The following PSME4 variants were observed in gnomAD, a reference collection of about 807,000 sequenced individuals.
PSME4 encodes the protein proteasome activator subunit 4.
Under a neutral mutation model 253.9 loss-of-function variants are expected in PSME4, and 89 were observed. That is an observed-to-expected ratio of 0.35 (90% CI 0.30 to 0.42). PSME4 has a LOEUF of 0.42. Among genes scored for constraint, PSME4 ranks in the 10% least tolerant of loss-of-function variants. The pLI is 1.00. For missense variants in PSME4, 2,014 were observed against 2,195.2 expected, an observed-to-expected ratio of 0.92 and a Z score of 1.65; for synonymous variants, 851 against 759.2, an observed-to-expected ratio of 1.12 and a Z score of -1.99.
Position 53,885,599 on chromosome 2 carries a change from C to T in PSME4, c.4815+91G>A, listed in dbSNP as rs115797956. 7.6e-4 allele frequency: 638 copies of T among 840,664 alleles called. 3 individuals carry two copies. In the African/African-American group the frequency reaches 9.7e-3, roughly 13 times the overall value. The allele number at this position is 840,664 out of a possible 1,614,324, so 52.1% of individuals were successfully genotyped here. ...TTCAGAGATCCAATCAAAATTCACA[C>T]TGTCTGAAGAACTTCAACCATCAGA... On this transcript the variant is annotated intron_variant, in intron 41 of 46. Coordinates refer to ENST00000404125, the MANE Select transcript of PSME4 (RefSeq NM_014614.3).
chr2:53,967,166 A>C (rs1331010646), intron 1 of PSME4, among the ~76,000 whole-genome samples: 1 of 152,118 alleles, frequency 6.6e-6, no homozygotes, highest in Non-Finnish European at 1.5e-5. Flanking sequence ...TCCCTTATTA[A>C]AAATTTCCCT....
At position 53,888,812 on chromosome 2, in the gene PSME4, C is replaced by T. The variant is rs749988500; in HGVS notation, c.4297G>A (p.Glu1433Lys). 2 of 1,606,522 alleles carry T rather than the reference C, an allele frequency of 1.2e-6. No individual in the cohort carries two copies. The highest frequency in any genetic ancestry group is 1.7e-6 in the Non-Finnish European group (2 of 1,173,664). ...DWGACIATSC[E>K]SRDPRKLHWL... ...TGAAGTTTCCGGGGATCTCTGCTTT[C>T]CTGTGTTTAAAATATGATGTAACAG... The change falls in exon 38 of 47, where the codon GAA becomes AAA. Residue 1433 changes from glutamate (E) to lysine (K), a missense_variant and splice_region_variant. This residue lies in a region of PSME4 where 403 missense variants were observed against 556.1 expected (regional missense o/e 0.72). Transcript: ENST00000404125.
At position 53,869,377 on chromosome 2, in the gene PSME4, T is replaced by G. The variant is rs1286253860; in HGVS notation, c.5262A>C (p.Ala1754=). The part of the protein sequence containing the change: ...PGSVGDTIPS[A]ELVKRHAGVL... Reference sequence around the variant, plus strand: ...GGTGTTTCCTACCAGCAATGTTACCTGCAGAAGGAATGGTATCTCCTACAG... The same window carrying G: ...GGTGTTTCCTACCAGCAATGTTACCGGCAGAAGGAATGGTATCTCCTACAG... The change falls in exon 44 of 47, where the codon GCA becomes GCC. Residue 1754 remains alanine (A), a splice_region_variant and synonymous_variant. Coordinates refer to ENST00000404125, the MANE Select transcript of PSME4 (RefSeq NM_014614.3). 6 of 1,603,978 alleles carry G rather than the reference T, an allele frequency of 3.7e-6. No individual in the cohort carries two copies. Among genetic ancestry groups the G allele is most frequent in the Non-Finnish European group, 5.1e-6 (6 of 1,172,602 alleles).
At chr2:53,942,686 T>A (rs1179061931) in intron 3 of PSME4, among the ~76,000 whole-genome samples, 2 of 152,220 alleles carry the variant, frequency 1.3e-5, no homozygotes, top group African/African-American at 4.8e-5. Context: ...TAATAAATGT[T>A]AATTATTATT....
At chr2:53,959,107 A>C (rs190992909) in intron 1 of PSME4, among the ~76,000 whole-genome samples, 5 of 152,224 alleles carry the variant, frequency 3.3e-5, no homozygotes, top group African/African-American at 4.8e-5. Context: ...GCTTGAGCCC[A>C]GGAGTTTGAA....
At chr2:53,867,273 G>C (rs1678609935) in intron 44 of PSME4, among the ~76,000 whole-genome samples, 1 of 152,252 alleles carries the variant, frequency 6.6e-6, no homozygotes, top group South Asian at 2.1e-4. Context: ...GAGAGACCAG[G>C]GCGGGTGGAT....
intron 44 of PSME4, among the ~76,000 whole-genome samples, chr2:53,867,689 A>AG (rs1678638300): frequency 1.3e-5 from 2 of 148,434 alleles, no homozygotes. Context: ...AAAAAAAAAA[A>AG]AGGATTTTTA....
At chr2:53,910,177 A>C (rs1278793516) in intron 20 of PSME4, 47 bp from the exon 21 acceptor site, 2 of 1,458,270 alleles carry the variant, frequency 1.4e-6, no homozygotes, top group South Asian at 2.3e-5. Context: ...TACCAATATG[A>C]AGTATTAAAG....
At position 53,869,380 on chromosome 2, in the gene PSME4, A is replaced by G. The variant is rs1678756274; in HGVS notation, c.5259T>C (p.Ser1753=). The G allele has an allele frequency of 1.2e-6, 2 of 1,604,446 alleles. No homozygotes were observed. The highest frequency in any genetic ancestry group is 3.3e-5 in the Admixed American group (2 of 59,850). The change falls in exon 44 of 47, where the codon TCT becomes TCC. Residue 1753 remains serine (S), a synonymous_variant. Coordinates refer to ENST00000404125, the MANE Select transcript of PSME4 (RefSeq NM_014614.3). ...DPGSVGDTIP[S]AELVKRHAGV... is the part of the protein sequence containing the mutation. ...GTTTCCTACCAGCAATGTTACCTGCAGAAGGAATGGTATCTCCTACAGAAC... is the reference window on the plus strand; with the variant it reads ...GTTTCCTACCAGCAATGTTACCTGCGGAAGGAATGGTATCTCCTACAGAAC...
intron 1 of PSME4, among the ~76,000 whole-genome samples, chr2:53,968,360 C>T (rs1365955002): frequency 6.6e-6 from 1 of 152,066 alleles, no homozygotes; most frequent in Non-Finnish European, 1.5e-5. Context: ...GTAACTTTCC[C>T]ACAGTCTCAG....
At chr2:53,902,043 G>A (rs1233216718) in intron 27 of PSME4, among the ~76,000 whole-genome samples, 1 of 150,326 alleles carries the variant, frequency 6.7e-6, no homozygotes, top group African/African-American at 2.5e-5. Context: ...CTCCAGCTTA[G>A]GTGACACAGC....
chr2:53,891,652 G>A (rs1679909720), intron 36 of PSME4, among the ~76,000 whole-genome samples: 1 of 151,912 alleles, frequency 6.6e-6, no homozygotes, highest in African/African-American at 2.4e-5. Context: ...CAAGAGCCAG[G>A]AGTTCGAGAC....
rs149915351 is a variant in PSME4 at position 53,959,876 on chromosome 2, C to T, written c.243-10593G>A. Among the ~76,000 whole-genome samples the T allele has an allele frequency of 1.3e-4, 20 of 152,268 alleles. No individual in the cohort carries two copies. In the East Asian group the frequency reaches 3.5e-3, roughly 26 times the overall value. On this transcript the variant is annotated intron_variant, in intron 1 of 46. Coordinates refer to ENST00000404125, the MANE Select transcript of PSME4 (RefSeq NM_014614.3). ...ACAGTTCCTTTGGGCCAACAACTCGCAATCAAATAAGACAGTCAGATATGA... is the reference window on the plus strand; with the variant it reads ...ACAGTTCCTTTGGGCCAACAACTCGTAATCAAATAAGACAGTCAGATATGA...
intron 4 of PSME4, 137 bp from the exon 5 acceptor site, chr2:53,937,677 A>C: frequency 1.3e-6 from 1 of 770,420 alleles, no homozygotes; most frequent in Non-Finnish European, 2.1e-6. Flanking sequence ...CAAATGTCCA[A>C]ACTAACACAC....
At chr2:53,949,680 T>A (rs903354230) in intron 1 of PSME4, among the ~76,000 whole-genome samples, 1 of 152,018 alleles carries the variant, frequency 6.6e-6, no homozygotes, top group Non-Finnish European at 1.5e-5. Context: ...TCCAAAGTAA[T>A]CAAACTCATA....
At chr2:53,933,003 T>A in intron 8 of PSME4, 1 of 432,596 alleles carries the variant, frequency 2.3e-6, no homozygotes, top group African/African-American at 2.0e-5. Flanking sequence ...ACTAAAAAAA[T>A]ACCTGTCAAC....
Position 53,866,256 on chromosome 2 carries a change from C to G in PSME4, c.5398-33G>C, listed in dbSNP as rs374151972. 14 of 1,608,770 alleles carry G rather than the reference C, an allele frequency of 8.7e-6. No individual in the cohort carries two copies. In the East Asian group the frequency reaches 2.0e-4, roughly 23 times the overall value. ...GTAGACAACCCACATACGTTTTAAC[C>G]TCTCTGGACAACCAGGATCATATGT... On this transcript the variant is annotated intron_variant, in intron 45 of 46. Transcript: ENST00000404125.
At position 53,908,838 on chromosome 2, in the gene PSME4, G is replaced by T. The variant is rs752282325; in HGVS notation, c.2575C>A (p.Leu859Met). 4.4e-5 allele frequency: 70 copies of T among 1,587,424 alleles called. No homozygotes were observed. The highest frequency in any genetic ancestry group is 5.7e-5 in the Non-Finnish European group (66 of 1,164,642). Reference protein sequence around the residue: ...TKLYTGLEYDLSRENHREVIA... With the variant: ...TKLYTGLEYDMSRENHREVIA... ...ACTTCTCGGTGGTTCTCTCGAGACAGATCTATTTTGAAAAAATAAAAGAAG... is the reference window on the plus strand; with the variant it reads ...ACTTCTCGGTGGTTCTCTCGAGACATATCTATTTTGAAAAAATAAAAGAAG... Residue 859 changes from leucine (L) to methionine (M), a missense_variant and splice_region_variant, in exon 22 of 47, where the codon CTG becomes ATG. Leu to Met is a conservative substitution (Grantham distance 15, BLOSUM62 2). This residue lies in a region of PSME4 where 989 missense variants were observed against 1,021.1 expected (regional missense o/e 0.97). Coordinates refer to ENST00000404125, the MANE Select transcript of PSME4 (RefSeq NM_014614.3).
At chr2:53,921,126 T>C (rs1190408604) in intron 17 of PSME4, 22 bp from the exon 18 acceptor site, 2 of 1,611,808 alleles carry the variant, frequency 1.2e-6, no homozygotes, top group East Asian at 4.5e-5. Context: ...GAAAAAATAG[T>C]TGAAGATATT....
Sources: allele counts gnomAD v4.1 joint callset (sites outside exome capture counted in the v4.1 genomes callset), GRCh38; gene constraint gnomAD v4.1.1; regional missense constraint gnomAD v4.1.1; transcripts MANE v1.5; gene names NCBI Gene and HGNC (gene_info 2026-07-23, HGNC 2026-07-21).